Variants in AFG1L observed in about 807,000 individuals in gnomAD.
AFG1L encodes the protein AFG1-like ATPase.
Under a neutral mutation model 62.2 loss-of-function variants are expected in AFG1L, and 53 were observed. That is an observed-to-expected ratio of 0.85 (90% confidence interval 0.68 to 1.07). The LOEUF is 1.07. Among genes scored for constraint, AFG1L ranks in the 50% least tolerant of loss-of-function variants. The probability of loss-of-function intolerance (pLI) is 0.00; values close to 1 mark genes in which losing one functional copy is unlikely to be tolerated. For missense variants in AFG1L, 555 were observed against 590.5 expected (o/e 0.94, Z 0.62); for synonymous variants, 228 against 210.3 (o/e 1.08, Z -0.73).
At chr6:108,388,917 A>T (rs1033704596) in intron 6 of AFG1L, among the ~76,000 whole-genome samples, 1 of 152,130 alleles carries the variant, frequency 6.6e-6, no homozygotes, top group Non-Finnish European at 1.5e-5. Context: ...GCTGAGTTCA[A>T]TTCCTGGGTA....
intron 7 of AFG1L, among the ~76,000 whole-genome samples, chr6:108,441,323 C>T (rs1023401944): frequency 1.2e-4 from 18 of 151,984 alleles, no homozygotes; most frequent in African/African-American, 4.4e-4. Context: ...TTTTTCTTTC[C>T]AAACTCAAAG....
chr6:108,407,736 C>T (rs1781922219), intron 7 of AFG1L, among the ~76,000 whole-genome samples: 1 of 151,670 alleles, frequency 6.6e-6, no homozygotes, highest in South Asian at 2.1e-4. Context: ...ACCTCACCAT[C>T]TGTTGTTCTT....
intron 3 of AFG1L, among the ~76,000 whole-genome samples, chr6:108,350,047 C>A (rs975621977): frequency 6.6e-6 from 1 of 151,798 alleles, no homozygotes; most frequent in African/African-American, 2.4e-5. Flanking sequence ...AATGGTGAAA[C>A]CCCGCCTCTA....
intron 2 of AFG1L, among the ~76,000 whole-genome samples, chr6:108,334,596 TC>T (rs11311411): frequency 0.93 from 141,338 of 152,016 alleles, 65,770 homozygotes; most frequent in Non-Finnish European, 0.97. Flanking sequence ...AGCACAGTCC[TC>T]CAGAAAGGCA....
At chr6:108,407,524 A>AT (rs1437932224) in intron 7 of AFG1L, among the ~76,000 whole-genome samples, 3 of 151,876 alleles carry the variant, frequency 2.0e-5, no homozygotes, top group Non-Finnish European at 2.9e-5. Flanking sequence ...ACAAAAAAGA[A>AT]TTTTTTTTAA....
intron 8 of AFG1L, among the ~76,000 whole-genome samples, chr6:108,474,401 C>G (rs139560572): frequency 0.034 from 5,155 of 152,222 alleles, 276 homozygotes; most frequent in African/African-American, 0.12. Flanking sequence ...TATATATCCA[C>G]TAATGGGATT....
chr6:108,366,838 T>C (rs1779783125), intron 6 of AFG1L, among the ~76,000 whole-genome samples: 1 of 152,190 alleles, frequency 6.6e-6, no homozygotes, highest in Non-Finnish European at 1.5e-5. Flanking sequence ...AAACAACAAC[T>C]TTAAAATCTT....
intron 8 of AFG1L, among the ~76,000 whole-genome samples, chr6:108,460,290 G>A (rs1469811289): frequency 2.0e-5 from 3 of 152,104 alleles, no homozygotes; most frequent in African/African-American, 7.2e-5. Context: ...GGAACCTTTA[G>A]TTTAAAGGAG....
chr6:108,301,546 A>C (rs1278020662), intron 1 of AFG1L, among the ~76,000 whole-genome samples: 1 of 152,236 alleles, frequency 6.6e-6, no homozygotes, highest in African/African-American at 2.4e-5. Context: ...TTGGTATGGC[A>C]AGGGCCATTC....
At chr6:108,483,564 G>T (rs1373969986) in intron 10 of AFG1L, among the ~76,000 whole-genome samples, 4 of 152,182 alleles carry the variant, frequency 2.6e-5, no homozygotes, top group African/African-American at 9.7e-5. Context: ...AATTTTCCTT[G>T]TTGAGAAATA....
chr6:108,443,914 ATGT>A (rs1372671744), intron 7 of AFG1L, among the ~76,000 whole-genome samples: 1 of 152,046 alleles, frequency 6.6e-6, no homozygotes, highest in Non-Finnish European at 1.5e-5. Context: ...AAAAATAGTG[ATGT>A]TGTTAAAATA....
chr6:108,409,958 T>G (rs941592502), intron 7 of AFG1L, among the ~76,000 whole-genome samples: 16 of 152,214 alleles, frequency 1.1e-4, no homozygotes, highest in Admixed American at 9.8e-4. Flanking sequence ...GTTGAAAGTC[T>G]AGATTCAAAG....
intron 10 of AFG1L, among the ~76,000 whole-genome samples, chr6:108,487,062 T>C (rs561790400): frequency 6.6e-6 from 1 of 152,322 alleles, no homozygotes; most frequent in East Asian, 1.9e-4. Flanking sequence ...ATGAGGAATA[T>C]AAAAGAAGTC....
chr6:108,517,349 C>T (rs1048929465), intron 11 of AFG1L, among the ~76,000 whole-genome samples: 1 of 152,166 alleles, frequency 6.6e-6, no homozygotes, highest in Non-Finnish European at 1.5e-5. Flanking sequence ...AGTAATGCCA[C>T]ATATCTACAA....
At chr6:108,452,207 A>G (rs1267549253) in intron 8 of AFG1L, among the ~76,000 whole-genome samples, 1 of 152,208 alleles carries the variant, frequency 6.6e-6, no homozygotes, top group African/African-American at 2.4e-5. Flanking sequence ...TAACTGCTTC[A>G]GATTAGCTCT....
intron 6 of AFG1L, among the ~76,000 whole-genome samples, chr6:108,367,251 T>C (rs547476437): frequency 2.6e-4 from 39 of 152,338 alleles, no homozygotes; most frequent in African/African-American, 7.2e-4. Context: ...TAACAGTGTC[T>C]TACACATAGA....
At chr6:108,424,968 A>T (rs763398258) in intron 7 of AFG1L, among the ~76,000 whole-genome samples, 28 of 152,152 alleles carry the variant, frequency 1.8e-4, no homozygotes, top group Admixed American at 5.9e-4. Flanking sequence ...GAGATTTCCT[A>T]AGAAAACTGG....
intron 10 of AFG1L, among the ~76,000 whole-genome samples, chr6:108,489,991 A>C (rs1420622413): frequency 6.6e-6 from 1 of 152,266 alleles, no homozygotes; most frequent in Non-Finnish European, 1.5e-5. Context: ...CCAGAGGACT[A>C]GTATAGTTTA....
rs185004297 is a variant in AFG1L, at chr6:108,497,263, T to G, written c.1063-12949T>G. Among the ~76,000 whole-genome samples the G allele has an allele frequency of 1.8e-3, 279 of 152,320 alleles. 1 individual carries two copies. The highest frequency in any genetic ancestry group is 3.4e-3 in the Middle Eastern group (1 of 294). ...TCAAATTGCATAATTTATTTTTCTT[T>G]GCCAAATTGCTATTTGAAAAATGAT... On this transcript the variant is annotated intron_variant, in intron 10 of 12. Transcript: ENST00000368977.
Sources: gnomAD v4.1 joint callset for allele counts (sites outside exome capture counted in the v4.1 genomes callset) on GRCh38, gnomAD v4.1.1 for gene constraint, MANE v1.5 for transcripts, NCBI Gene and HGNC (gene_info 2026-07-23, HGNC 2026-07-21) for gene names.